MDGA2: variants seen among roughly 807,000 people sequenced by gnomAD.
MDGA2 encodes MAM domain-containing glycosylphosphatidylinositol anchor protein 2.
In MDGA2, 40 loss-of-function variants were observed where a neutral mutation model predicts 117.8. That is an observed-to-expected ratio of 0.34 (90% CI 0.26 to 0.44). The LOEUF (loss-of-function observed/expected upper bound fraction) is 0.44, where lower values mean the gene tolerates loss of function less well. MDGA2 is among the 20% of genes least tolerant of loss of function. The pLI is 1.00. For synonymous variants in MDGA2, 452 were observed against 439.0 expected (o/e 1.03, Z -0.37); for missense variants, 1,123 against 1,250.6 (o/e 0.90, Z 1.54).
chr14:46,978,863 C>T (rs1329412201), intron 8 of MDGA2, among the ~76,000 whole-genome samples: 1 of 152,114 alleles, frequency 6.6e-6, no homozygotes, highest in Non-Finnish European at 1.5e-5. Context: ...GCAAAAAGGT[C>T]ATTTCATAGA....
chr14:47,098,908 T>C (rs1282021715), intron 5 of MDGA2, among the ~76,000 whole-genome samples: 1 of 151,902 alleles, frequency 6.6e-6, no homozygotes, highest in African/African-American at 2.4e-5. Flanking sequence ...CTATTAGATA[T>C]TATTTAATGC....
At chr14:47,221,613 A>T (rs185147127) in intron 2 of MDGA2, among the ~76,000 whole-genome samples, 4 of 150,094 alleles carry the variant, frequency 2.7e-5, no homozygotes, top group African/African-American at 9.8e-5. Flanking sequence ...GCGTGAACCC[A>T]GGAGGCAGAG....
At chr14:47,371,240 A>T (rs1891352190) in intron 1 of MDGA2, among the ~76,000 whole-genome samples, 1 of 151,980 alleles carries the variant, frequency 6.6e-6, no homozygotes, top group Non-Finnish European at 1.5e-5. Flanking sequence ...TGATATTTTT[A>T]AAAATAAACA....
rs189383286 is a variant in MDGA2, at chr14:47,229,034, T to C, written c.421-10839A>G. On this transcript the variant is annotated intron_variant, in intron 2 of 16. Coordinates refer to ENST00000399232, the MANE Select transcript of MDGA2 (RefSeq NM_001113498.3). ...GAAAGAAATAGACATAGTGAGCCACTCTTATCAGCTGGAGAATGGTGGGAC... is the reference window on the plus strand; with the variant it reads ...GAAAGAAATAGACATAGTGAGCCACCCTTATCAGCTGGAGAATGGTGGGAC... Among the ~76,000 whole-genome samples, 561 of 152,276 alleles carry C rather than the reference T, an allele frequency of 3.7e-3. 4 individuals are homozygous for C. The highest frequency in any genetic ancestry group is 0.013 in the African/African-American group (529 of 41,580).
chr14:46,899,488 A>G (rs2138441455), intron 10 of MDGA2, among the ~76,000 whole-genome samples: 1 of 152,188 alleles, frequency 6.6e-6, no homozygotes, highest in South Asian at 2.1e-4. Context: ...TCACAGAAAT[A>G]TATTACTGCC....
intron 1 of MDGA2, among the ~76,000 whole-genome samples, chr14:47,424,821 C>T (rs981519594): frequency 6.6e-6 from 1 of 152,154 alleles, no homozygotes; most frequent in African/African-American, 2.4e-5. Context: ...CACCTACCCT[C>T]CCATTGCCTA....
At chr14:47,425,289 T>C (rs1222647413) in intron 1 of MDGA2, among the ~76,000 whole-genome samples, 1 of 152,066 alleles carries the variant, frequency 6.6e-6, no homozygotes, top group African/African-American at 2.4e-5. Context: ...GTAAAACAGG[T>C]TTTAAATATT....
In MDGA2 at chr14:46,904,700, C is replaced by T. The variant is rs146153428; in HGVS notation, c.2238+15312G>A. ...CTGTACTACACAAGCTAATGTGTTCCCGTGTTCATAGCTACATGTTTACAT... is the reference window on the plus strand; with the variant it reads ...CTGTACTACACAAGCTAATGTGTTCTCGTGTTCATAGCTACATGTTTACAT... On this transcript the variant is annotated intron_variant, in intron 10 of 16. Coordinates refer to ENST00000399232, the MANE Select transcript of MDGA2 (RefSeq NM_001113498.3). 9.9e-5 allele frequency among the ~76,000 whole-genome samples: 15 copies of T among 152,242 alleles called. No individual in the cohort carries two copies. In the East Asian group the frequency reaches 2.7e-3, roughly 27 times the overall value.
intron 1 of MDGA2, among the ~76,000 whole-genome samples, chr14:47,660,188 G>T (rs1020559993): frequency 3.9e-5 from 6 of 152,148 alleles, no homozygotes; most frequent in African/African-American, 1.4e-4. Context: ...AAGAGTTAAA[G>T]TTCTAAAGAC....
chr14:47,015,148 A>C (rs1888036610), intron 8 of MDGA2, among the ~76,000 whole-genome samples: 1 of 152,138 alleles, frequency 6.6e-6, no homozygotes, highest in Non-Finnish European at 1.5e-5. Context: ...TTAACAGTTA[A>C]GTTTGCTATC....
chr14:46,921,962 T>G (rs1445493814), intron 9 of MDGA2, among the ~76,000 whole-genome samples: 1 of 152,138 alleles, frequency 6.6e-6, no homozygotes, highest in African/African-American at 2.4e-5. Flanking sequence ...TTGCTTCTGT[T>G]ATTTAATCAA....
At chr14:47,028,617 A>G (rs1888556640) in intron 8 of MDGA2, among the ~76,000 whole-genome samples, 1 of 152,204 alleles carries the variant, frequency 6.6e-6, no homozygotes, top group Admixed American at 6.6e-5. Flanking sequence ...GTCATCACCA[A>G]GAGGCAGTAT....
chr14:47,431,282 G>GT lies in MDGA2; in HGVS notation c.281-129733dup, dbSNP rs549641512. Among the ~76,000 whole-genome samples the GT allele has an allele frequency of 7.9e-3, 1,198 of 151,998 alleles. 16 individuals are homozygous for GT. Among genetic ancestry groups the GT allele is most frequent in the African/African-American group, 0.027 (1,111 of 41,488 alleles). ...TCAGCTTTGAAAATGGACTCACGGT[G>GT]TAAGTTTTAATCATCAGTTTAGGGA... On this transcript the variant is annotated intron_variant, in intron 1 of 16. Coordinates refer to ENST00000399232, the MANE Select transcript of MDGA2 (RefSeq NM_001113498.3).
chr14:46,955,931 G>A (rs1226086783), intron 9 of MDGA2, among the ~76,000 whole-genome samples: 2 of 151,958 alleles, frequency 1.3e-5, no homozygotes, highest in Non-Finnish European at 2.9e-5. Flanking sequence ...ACTCTCTTAC[G>A]TTAGATTCAA....
intron 2 of MDGA2, among the ~76,000 whole-genome samples, chr14:47,259,174 A>G (rs892507765): frequency 6.6e-6 from 1 of 152,060 alleles, no homozygotes; most frequent in African/African-American, 2.4e-5. Context: ...AAGGTTGCTC[A>G]GTATGTGGAT....
intron 1 of MDGA2, among the ~76,000 whole-genome samples, chr14:47,450,908 G>A (rs1893228605): frequency 6.6e-6 from 1 of 152,078 alleles, no homozygotes. Flanking sequence ...ACTTAGCTGA[G>A]GCACTATTAA....
intron 1 of MDGA2, among the ~76,000 whole-genome samples, chr14:47,595,562 A>C (rs535986960): frequency 2.7e-4 from 40 of 150,596 alleles, no homozygotes; most frequent in Admixed American, 7.9e-4. Flanking sequence ...AAAAACAAAA[A>C]AAAAAAAAAC....
chr14:47,603,113 A>G (rs1482194304), intron 1 of MDGA2, among the ~76,000 whole-genome samples: 2 of 152,190 alleles, frequency 1.3e-5, no homozygotes, highest in African/African-American at 4.8e-5. Context: ...ATCTACCCCA[A>G]TAAGAATTGG....
intron 8 of MDGA2, among the ~76,000 whole-genome samples, chr14:47,008,338 AG>A (rs1207694714): frequency 1.3e-5 from 2 of 151,946 alleles, no homozygotes; most frequent in Non-Finnish European, 2.9e-5. Flanking sequence ...TGGCAGAACA[AG>A]CCAATGCCTA....
Sources: gnomAD v4.1 joint callset for allele counts (sites outside exome capture counted in the v4.1 genomes callset) on GRCh38, gnomAD v4.1.1 for gene constraint, MANE v1.5 for transcripts, NCBI Gene and HGNC (gene_info 2026-07-23, HGNC 2026-07-21) for gene names.